The following ACSL4 variants were observed in gnomAD, a reference collection of about 807,000 sequenced individuals.
ACSL4 encodes the protein long-chain-fatty-acid--CoA ligase 4.
In ACSL4, 9 loss-of-function variants were observed where a neutral mutation model predicts 49.1. The observed-to-expected ratio is 0.18, with a 90% CI of 0.11 to 0.32. The LOEUF (loss-of-function observed/expected upper bound fraction) is 0.32. ACSL4 is among the 10% of genes least tolerant of loss of function. The pLI is 1.00. For missense variants in ACSL4, 333 were observed against 493.7 expected (o/e 0.67, Z 3.08); for synonymous variants, 191 against 170.3 (o/e 1.12, Z -0.95).
intron 2 of ACSL4, among the ~76,000 whole-genome samples, chrX:109,692,991 C>A (rs1212279916): frequency 9.0e-6 from 1 of 111,557 alleles, no homozygotes; most frequent in Non-Finnish European, 1.9e-5. Context: ...CCAAAAAAGT[C>A]TTTAAGCAGC....
At chrX:109,703,842 G>C (rs1180958163) in intron 1 of ACSL4, among the ~76,000 whole-genome samples, 1 of 110,508 alleles carries the variant, frequency 9.0e-6, no homozygotes, top group Admixed American at 9.7e-5. Flanking sequence ...TGAGGCAGGA[G>C]AATTGGTTGA....
At chrX:109,659,576 T>C in intron 14 of ACSL4, 65 bp from the exon 15 acceptor site, 1 of 737,868 alleles carries the variant, frequency 1.4e-6, no homozygotes, top group South Asian at 2.1e-5. Context: ...AACTAGTCAA[T>C]GACATAGTAC....
At chrX:109,686,240 A>G (rs1924596353) in intron 2 of ACSL4, among the ~76,000 whole-genome samples, 1 of 111,648 alleles carries the variant, frequency 9.0e-6, no homozygotes, top group Non-Finnish European at 1.9e-5. Flanking sequence ...ATCACTTCCA[A>G]ACTTCTGGGT....
intron 15 of ACSL4, among the ~76,000 whole-genome samples, chrX:109,649,532 G>A (rs1247075527): frequency 3.9e-4 from 43 of 111,676 alleles, no homozygotes; most frequent in African/African-American, 1.4e-3. Flanking sequence ...AATTCAAAAT[G>A]GATTAAAGAC....
intron 1 of ACSL4, among the ~76,000 whole-genome samples, chrX:109,717,266 G>A (rs906874786): frequency 3.6e-5 from 4 of 110,158 alleles, no homozygotes; most frequent in East Asian, 2.8e-4. Flanking sequence ...AGGCCGAGGC[G>A]GACGGATCAC....
At chrX:109,723,003 GT>G (rs1178419477) in intron 1 of ACSL4, among the ~76,000 whole-genome samples, 3 of 111,631 alleles carry the variant, frequency 2.7e-5, no homozygotes, top group African/African-American at 9.8e-5. Context: ...TGAAATTACT[GT>G]TTTTATTCTT....
intron 1 of ACSL4, among the ~76,000 whole-genome samples, chrX:109,705,483 C>T (rs1373848362): frequency 1.8e-5 from 2 of 112,327 alleles, no homozygotes; most frequent in Non-Finnish European, 3.8e-5. Flanking sequence ...CTATTTGCTT[C>T]CTTTACCTGA....
chrX:109,711,642 CT>C (rs1008181780), intron 1 of ACSL4, among the ~76,000 whole-genome samples: 6 of 112,206 alleles, frequency 5.3e-5, no homozygotes, highest in Non-Finnish European at 9.4e-5. Flanking sequence ...CTAGCACATG[CT>C]TTTCCCTTTG....
rs774855078 is a variant in ACSL4, at chrX:109,712,667, G to A, written c.-65-16471C>T. On this transcript the variant is annotated intron_variant, in intron 1 of 15. Coordinates refer to ENST00000672401, the MANE Select transcript of ACSL4 (RefSeq NM_001318510.2). ...AAAGGAAAATGAGACCATGAATGTG[G>A]AAGAGTATGCAAGAAAGAAAAAGAA... Among the ~76,000 whole-genome samples the A allele has an allele frequency of 2.7e-5, 3 of 112,301 alleles. No individual in the cohort carries two copies. The South Asian group carries it at 1.1e-3, about 41-fold the overall frequency.
At position 109,733,215 on chromosome X, in the gene ACSL4, C is replaced by T. The variant is rs1047168002; in HGVS notation, c.-142G>A. On this transcript the variant is annotated 5_prime_UTR_variant, in exon 1 of 16. Coordinates refer to ENST00000672401, the MANE Select transcript of ACSL4 (RefSeq NM_001318510.2). ...AAAGCTCGCAAAAAGGAACCGCGTG[C>T]CCGCTAGCGCTGGGACGAGGAGGAG... is the stretch of plus-strand genomic sequence containing the variant. 1 of 327,397 alleles carries T rather than the reference C, an allele frequency of 3.1e-6. No individual in the cohort carries two copies. 27.0% of individuals were successfully genotyped at this position (327,397 alleles called of 1,213,427 possible). A position where few individuals can be genotyped will look rare whatever the true frequency, so the allele number is the denominator to read the frequency against.
intron 15 of ACSL4, among the ~76,000 whole-genome samples, chrX:109,657,022 G>A (rs1396540729): frequency 9.1e-6 from 1 of 110,424 alleles, no homozygotes; most frequent in African/African-American, 3.3e-5. Flanking sequence ...TTCCTTATAT[G>A]CTGGTGTTAT....
chrX:109,650,100 G>A lies in ACSL4; in HGVS notation c.1856-5914C>T, dbSNP rs1285112308. ...GGTGGGACTGTAAACTAGTTCAACC[G>A]TTGTGGAAGTCAGTGTGGTGATTCC... On this transcript the variant is annotated intron_variant, in intron 15 of 15. Transcript: ENST00000672401. 3.9e-3 allele frequency among the ~76,000 whole-genome samples: 434 copies of A among 111,619 alleles called. 2 individuals are homozygous for A. Among genetic ancestry groups the A allele is most frequent in the African/African-American group, 0.011 (325 of 30,668 alleles).
At chrX:109,665,375 T>C (rs760229827) in intron 12 of ACSL4, 45 bp downstream of exon 12, 4 of 1,090,585 alleles carry the variant, frequency 3.7e-6, no homozygotes, top group Non-Finnish European at 5.1e-6. Flanking sequence ...TGACAGTAGT[T>C]TTCAGCATAT....
intron 2 of ACSL4, among the ~76,000 whole-genome samples, chrX:109,683,914 G>A (rs1229627300): frequency 1.8e-5 from 2 of 111,367 alleles, no homozygotes; most frequent in Non-Finnish European, 3.8e-5. Flanking sequence ...TTTTTTCTAG[G>A]TTTCTAGGTG....
chrX:109,720,317 G>A (rs1337653253), intron 1 of ACSL4, among the ~76,000 whole-genome samples: 4 of 107,881 alleles, frequency 3.7e-5, no homozygotes, highest in South Asian at 4.1e-4. Context: ...GCAACAGAGC[G>A]AGACTCAAAA....
chrX:109,682,945 T>TA, intron 3 of ACSL4, 49 bp from the exon 4 acceptor site: 1 of 1,135,796 alleles, frequency 8.8e-7, no homozygotes, highest in Non-Finnish European at 1.2e-6. Context: ...AACAAGCAAT[T>TA]AAAATACTAT....
intron 1 of ACSL4, among the ~76,000 whole-genome samples, chrX:109,701,468 C>T (rs1311751793): frequency 2.7e-5 from 3 of 110,654 alleles, no homozygotes; most frequent in African/African-American, 6.6e-5. Context: ...CCACCCACCT[C>T]GGCCTCCCAA....
Position 109,644,001 on chromosome X carries a change from G to A in ACSL4, c.*28C>T, listed in dbSNP as rs769828137. The A allele has an allele frequency of 2.5e-6, 3 of 1,208,521 alleles. No individual in the cohort carries two copies. The highest frequency in any genetic ancestry group is 3.4e-6 in the Non-Finnish European group (3 of 892,668). ...GTTGAAAACCACCAGGCTACCTCCT[G>A]CACAACTGTCAATAAGACAACAACA... On this transcript the variant is annotated 3_prime_UTR_variant, in exon 16 of 16. Transcript: ENST00000672401.
At chrX:109,709,109 A>C (rs1473576356) in intron 1 of ACSL4, among the ~76,000 whole-genome samples, 1 of 112,035 alleles carries the variant, frequency 8.9e-6, no homozygotes, top group Non-Finnish European at 1.9e-5. Context: ...CTTCTGCCCC[A>C]TAATGAAAAT....
Sources: allele counts gnomAD v4.1 joint callset (sites outside exome capture counted in the v4.1 genomes callset), GRCh38; gene constraint gnomAD v4.1.1; transcripts MANE v1.5; gene names NCBI Gene and HGNC (gene_info 2026-07-23, HGNC 2026-07-21).